Variants in CRISPLD2 observed in about 807,000 individuals in gnomAD.
CRISPLD2 encodes cysteine rich secretory protein LCCL domain containing 2, also known as cysteine-rich secretory protein LCCL domain-containing 2.
In CRISPLD2, 47 loss-of-function variants were observed where a neutral mutation model predicts 71.1. The observed-to-expected ratio is 0.66, with a 90% CI of 0.52 to 0.84. CRISPLD2 has a LOEUF of 0.84. Among genes scored for constraint, CRISPLD2 ranks in the 40% least tolerant of loss-of-function variants. The pLI, the probability that CRISPLD2 is intolerant of heterozygous loss-of-function variation, is 0.00. For synonymous variants in CRISPLD2, 317 were observed against 250.1 expected (o/e 1.27, Z -2.52); for missense variants, 830 against 651.1 (o/e 1.27, Z -2.99).
At chr16:84,868,722 A>G in intron 7 of CRISPLD2, 129 bp from the exon 8 acceptor site, 1 of 762,550 alleles carries the variant, frequency 1.3e-6, no homozygotes, top group Non-Finnish European at 2.2e-6. Flanking sequence ...ACCATCAGGC[A>G]TTGCCCTTGC....
chr16:84,859,751 A>T (rs1365430209), intron 6 of CRISPLD2, among the ~76,000 whole-genome samples: 1 of 152,222 alleles, frequency 6.6e-6, no homozygotes, highest in South Asian at 2.1e-4. Context: ...ACAGGACTCT[A>T]CACGAGCCAG....
chr16:84,840,870 G>A (rs533522507), intron 2 of CRISPLD2, among the ~76,000 whole-genome samples: 1 of 152,156 alleles, frequency 6.6e-6, no homozygotes, highest in African/African-American at 2.4e-5. Context: ...GTGTGGGTAG[G>A]AGGCTCTGCT....
At chr16:84,894,714 AATT>A (rs1158391988) in intron 14 of CRISPLD2, among the ~76,000 whole-genome samples, 1 of 152,192 alleles carries the variant, frequency 6.6e-6, no homozygotes, top group Non-Finnish European at 1.5e-5. Flanking sequence ...ATCAATAGAA[AATT>A]ATTATTAGAA....
At chr16:84,871,166 A>C (rs2071465672) in intron 8 of CRISPLD2, among the ~76,000 whole-genome samples, 1 of 152,254 alleles carries the variant, frequency 6.6e-6, no homozygotes, top group African/African-American at 2.4e-5. Flanking sequence ...GCTAATGGAT[A>C]TGAATGTTTA....
At chr16:84,832,032 GC>G (rs1299865063) in intron 1 of CRISPLD2, among the ~76,000 whole-genome samples, 2 of 152,260 alleles carry the variant, frequency 1.3e-5, no homozygotes, top group African/African-American at 4.8e-5. Context: ...GCCATGTCCA[GC>G]CGGATTTTTA....
At chr16:84,858,360 GAATCCTAAT>G (rs1288313441) in intron 6 of CRISPLD2, among the ~76,000 whole-genome samples, 2 of 152,216 alleles carry the variant, frequency 1.3e-5, no homozygotes, top group Admixed American at 6.5e-5. Flanking sequence ...GTTGCCTCCA[GAATCCTAAT>G]TGGCCCACTA....
intron 6 of CRISPLD2, among the ~76,000 whole-genome samples, chr16:84,860,169 A>G: frequency 6.6e-6 from 1 of 152,200 alleles, no homozygotes; most frequent in East Asian, 1.9e-4. Flanking sequence ...TCAGCTAACC[A>G]AGCAAATAAA....
chr16:84,868,782 G>A, intron 7 of CRISPLD2, 69 bp from the exon 8 acceptor site: 1 of 1,240,126 alleles, frequency 8.1e-7, no homozygotes, highest in South Asian at 1.2e-5. Context: ...ATGTCCCTCA[G>A]CATGGGGAAG....
intron 11 of CRISPLD2, 92 bp downstream of exon 11, chr16:84,874,055 T>C: frequency 8.7e-7 from 1 of 1,149,036 alleles, no homozygotes; most frequent in Non-Finnish European, 1.3e-6. Flanking sequence ...GATTTAATGT[T>C]TATCATGCGT....
At chr16:84,844,892 A>C (rs1916870671) in intron 2 of CRISPLD2, among the ~76,000 whole-genome samples, 1 of 152,148 alleles carries the variant, frequency 6.6e-6, no homozygotes, top group African/African-American at 2.4e-5. Context: ...ATTACTGCTC[A>C]CAGTGAGGGC....
chr16:84,887,053 C>T (rs2071619716), intron 13 of CRISPLD2, among the ~76,000 whole-genome samples: 1 of 152,136 alleles, frequency 6.6e-6, no homozygotes, highest in African/African-American at 2.4e-5. Context: ...GAAATCATCC[C>T]AGCTTCATCT....
intron 8 of CRISPLD2, among the ~76,000 whole-genome samples, chr16:84,870,928 T>G (rs1444550439): frequency 6.6e-6 from 1 of 151,824 alleles, no homozygotes; most frequent in Non-Finnish European, 1.5e-5. Flanking sequence ...CATGGTGGCA[T>G]ATGCCTATAG....
At chr16:84,849,090 G>A in intron 3 of CRISPLD2, 1 of 304,342 alleles carries the variant, frequency 3.3e-6, no homozygotes, top group Non-Finnish European at 6.3e-6. Flanking sequence ...AGAGACCCCA[G>A]GTGAGCTCCT....
chr16:84,827,493 A>T (rs946534085), intron 1 of CRISPLD2, among the ~76,000 whole-genome samples: 1 of 149,602 alleles, frequency 6.7e-6, no homozygotes, highest in South Asian at 2.1e-4. Flanking sequence ...GGTCACGGTC[A>T]CGCCTCGACT....
intron 14 of CRISPLD2, among the ~76,000 whole-genome samples, chr16:84,896,214 T>C (rs1201499726): frequency 6.6e-6 from 1 of 151,884 alleles, no homozygotes; most frequent in East Asian, 1.9e-4. Context: ...ATTTTTTTCA[T>C]ATATATATAT....
rs540681162 is a variant in CRISPLD2 at position 84,846,733 on chromosome 16, C to T, written c.359+829C>T. Among the ~76,000 whole-genome samples the T allele has an allele frequency of 4.0e-4, 61 of 152,346 alleles. 2 individuals are homozygous for T. The South Asian group carries it at 0.012, about 29-fold the overall frequency. On this transcript the variant is annotated intron_variant, in intron 3 of 14. Coordinates refer to ENST00000262424, the MANE Select transcript of CRISPLD2 (RefSeq NM_031476.4). ...TGCCTTCCCCGCGTCATCCAGCCGT[C>T]GGGAAGCTCACTAACTTCTCCAGAC...
At chr16:84,848,536 C>T (rs1339491241) in intron 3 of CRISPLD2, among the ~76,000 whole-genome samples, 1 of 151,856 alleles carries the variant, frequency 6.6e-6, no homozygotes, top group Admixed American at 6.6e-5. Flanking sequence ...GCGATGACCC[C>T]ACGGAGGATG....
At chr16:84,905,402 T>A (rs1367328337) in intron 14 of CRISPLD2, among the ~76,000 whole-genome samples, 1 of 151,604 alleles carries the variant, frequency 6.6e-6, no homozygotes, top group Non-Finnish European at 1.5e-5. Flanking sequence ...TTGGTTTGGT[T>A]TTTTTTTTGT....
At position 84,891,312 on chromosome 16, in the gene CRISPLD2, C is replaced by A. The variant is rs549628995; in HGVS notation, c.1439+1949C>A. Among the ~76,000 whole-genome samples, 4 of 152,320 alleles carry A rather than the reference C, an allele frequency of 2.6e-5. No homozygotes were observed. The East Asian group carries it at 7.7e-4, about 29-fold the overall frequency. ...ACACGGCCCCTGCTTCCACTGCCAGCCTCCTGGGCACTTTGTGCAGCGGGC... is the reference window on the plus strand; with the variant it reads ...ACACGGCCCCTGCTTCCACTGCCAGACTCCTGGGCACTTTGTGCAGCGGGC... On this transcript the variant is annotated intron_variant, in intron 14 of 14. Coordinates refer to ENST00000262424, the MANE Select transcript of CRISPLD2 (RefSeq NM_031476.4).
Sources: gnomAD v4.1 joint callset for allele counts (sites outside exome capture counted in the v4.1 genomes callset) on GRCh38, gnomAD v4.1.1 for gene constraint, MANE v1.5 for transcripts, NCBI Gene and HGNC (gene_info 2026-07-23, HGNC 2026-07-21) for gene names.